Variants in JAG2 observed in about 807,000 individuals in gnomAD.
The protein encoded by JAG2 is protein jagged-2.
JAG2 carries 46 observed loss-of-function variants against 141.7 expected under a neutral mutation model. The observed-to-expected ratio is 0.32, with a 90% CI of 0.26 to 0.42. JAG2 has a LOEUF of 0.42. JAG2 is among the 10% of genes least tolerant of loss of function. The pLI, the probability that JAG2 is intolerant of heterozygous loss-of-function variation, is 1.00. For missense variants in JAG2, 1,500 were observed against 1,817.5 expected (o/e 0.83, Z 3.18); for synonymous variants, 862 against 763.5 (o/e 1.13, Z -2.13).
Position 105,142,908 on chromosome 14 carries a change from C to A in JAG2, c.3504G>T (p.Pro1168=), listed in dbSNP as rs763479938. The stretch of plus-strand genomic sequence containing the variant: ...CCTCCCTGACGGCCGCGTGGCCGGC[C>A]GGCCCGGGCAGCGCCTCGTCCGCCC... The part of the protein sequence containing the change: ...PRRADEALPG[P]AGHAAVREDE... Residue 1168 remains proline, a synonymous_variant, in exon 26 of 26, where the codon CCG becomes CCT. Coordinates refer to ENST00000331782, the MANE Select transcript of JAG2 (RefSeq NM_002226.5). 5.2e-5 allele frequency: 84 copies of A among 1,604,442 alleles called. No homozygotes were observed. Among genetic ancestry groups the A allele is most frequent in the Non-Finnish European group, 7.1e-5 (83 of 1,175,796 alleles).
chr14:105,163,243 G>C (rs587721362), intron 2 of JAG2, among the ~76,000 whole-genome samples: 1 of 152,176 alleles, frequency 6.6e-6, no homozygotes, highest in African/African-American at 2.4e-5. Flanking sequence ...ATTGTCACCC[G>C]AGGCAGGGAA....
At position 105,151,630 on chromosome 14, in the gene JAG2, G is replaced by C; in HGVS notation, c.1149C>G (p.Ala383=). Residue 383 remains alanine (A), a synonymous_variant, in exon 8 of 26, where the codon GCC becomes GCG. Coordinates refer to ENST00000331782, the MANE Select transcript of JAG2 (RefSeq NM_002226.5). ...CPSGWSGPTC[A]LDIDECASNP... ...TACTCACGTGCAGACACTCACCAAG[G>C]GCACAGGTGGGCCCGCTCCAGCCCG... The C allele has an allele frequency of 6.2e-7, 1 of 1,604,366 alleles. No homozygotes were observed. Among genetic ancestry groups the C allele is most frequent in the Non-Finnish European group, 8.5e-7 (1 of 1,176,270 alleles).
At chr14:105,159,564 C>G (rs907002872) in intron 2 of JAG2, among the ~76,000 whole-genome samples, 1 of 147,262 alleles carries the variant, frequency 6.8e-6, no homozygotes, top group African/African-American at 2.5e-5. Context: ...TCCGTCCACA[C>G]CCCCCGCCGA....
chr14:105,143,496 C>T lies in JAG2; in HGVS notation c.3227G>A (p.Gly1076Asp), dbSNP rs1397950498. Reference sequence around the variant, plus strand: ...CCCGCGCTTACCTGTGGAAGAGCCGCCCGTAACAACCGTCTCCACCTTGAC... The same window carrying T: ...CCCGCGCTTACCTGTGGAAGAGCCGTCCGTAACAACCGTCTCCACCTTGAC... ...TEVKVETVVT[G>D]GSSTGLLVPV... Residue 1076 changes from glycine (G) to aspartate (D), a missense_variant, in exon 25 of 26, where the codon GGC becomes GAC. By Grantham distance (94) the Gly-to-Asp change is moderately conservative. Coordinates refer to ENST00000331782, the MANE Select transcript of JAG2 (RefSeq NM_002226.5). 1 of 1,560,162 alleles carries T rather than the reference C, an allele frequency of 6.4e-7. No individual in the cohort carries two copies. Among genetic ancestry groups the T allele is most frequent in the African/African-American group, 1.3e-5 (1 of 74,280 alleles).
At chr14:105,153,757 C>T (rs1384014489) in intron 5 of JAG2, among the ~76,000 whole-genome samples, 3 of 152,180 alleles carry the variant, frequency 2.0e-5, no homozygotes, top group Non-Finnish European at 4.4e-5. Flanking sequence ...CATCTTCCTG[C>T]GGGTAAAGGG....
At chr14:105,149,127 C>CCG in intron 13 of JAG2, 38 bp from the exon 14 acceptor site, 53 of 1,580,310 alleles carry the variant, frequency 3.4e-5, no homozygotes, top group Non-Finnish European at 4.5e-5. Context: ...AGGCCCGCCC[C>CCG]TGCCCCACCA....
chr14:105,155,567 C>T lies in JAG2; in HGVS notation c.783G>A (p.Glu261=). 2.5e-6 allele frequency: 4 copies of T among 1,612,846 alleles called. No individual in the cohort carries two copies. Among genetic ancestry groups the T allele is most frequent in the Non-Finnish European group, 3.4e-6 (4 of 1,179,964 alleles). The change falls in exon 5 of 26, where the codon GAG becomes GAA. Residue 261 remains glutamate, a synonymous_variant. Transcript: ENST00000331782. The part of the protein sequence containing the change: ...LLHGGCTVPG[E]CRCSYGWQGR... ...CGGGCCGGCGGCACACTCACCTGCA[C>T]TCCCCAGGCACGGTGCATCCCCCGT...
At chr14:105,165,048 A>G (rs946032263) in intron 2 of JAG2, among the ~76,000 whole-genome samples, 1 of 152,150 alleles carries the variant, frequency 6.6e-6, no homozygotes, top group African/African-American at 2.4e-5. Flanking sequence ...AGCCCAGCAC[A>G]CACATGCCAA....
rs765135349 is a variant in JAG2 at position 105,151,120 on chromosome 14, G to T, written c.1268-16C>A. 6.2e-7 allele frequency: 1 copy of T among 1,601,188 alleles called. No homozygotes were observed. The highest frequency in any genetic ancestry group is 8.5e-7 in the Non-Finnish European group (1 of 1,174,002). On this transcript the variant is annotated splice_polypyrimidine_tract_variant and intron_variant, in intron 9 of 25. Transcript: ENST00000331782. ...TCATTGGCGTCTGTGAAAGAGACAA[G>T]GTGGGAGCCGTGGGGCTCGGGCCCT...
chr14:105,146,754 A>G, intron 20 of JAG2, 30 bp from the exon 21 acceptor site: 2 of 1,560,342 alleles, frequency 1.3e-6, no homozygotes, highest in Non-Finnish European at 1.8e-6. Context: ...TGCTCAGTGC[A>G]GTGAGGCCAA....
chr14:105,147,702 G>T, intron 18 of JAG2, 70 bp downstream of exon 18: 3 of 1,197,142 alleles, frequency 2.5e-6, no homozygotes, highest in African/African-American at 3.0e-5. Flanking sequence ...GGACTGGGGG[G>T]CGAGTCGGGG....
In JAG2 at chr14:105,149,209, A is replaced by T; in HGVS notation, c.1714T>A (p.Ser572Thr). 6.3e-7 allele frequency: 1 copy of T among 1,596,648 alleles called. No homozygotes were observed. The highest frequency in any genetic ancestry group is 8.5e-7 in the Non-Finnish European group (1 of 1,172,558). Residue 572 changes from serine (S) to threonine (T), a missense_variant, in exon 13 of 26, where the codon TCC becomes ACC. By Grantham distance (58) the Ser-to-Thr change is moderately conservative. Around this residue, in one of 3 missense-constraint regions of JAG2, gnomAD observed 875 missense variants for 1,202.2 expected, o/e 0.73. Transcript: ENST00000331782. Reference protein sequence around the residue: ...CPDDFGGKNCSVPREPCPGGA... With the variant: ...CPDDFGGKNCTVPREPCPGGA... ...CCAGGGCACGGCTCGCGGGGCACGG[A>T]GCAGTTCTTGCCACCAAAGTCATCA...
At chr14:105,143,417 G>A (rs1337546793) in intron 25 of JAG2, 65 bp downstream of exon 25, 2 of 1,514,998 alleles carry the variant, frequency 1.3e-6, no homozygotes, top group Admixed American at 3.9e-5. Context: ...GGATCGGCCG[G>A]CTCTGTGCCC....
intron 2 of JAG2, among the ~76,000 whole-genome samples, chr14:105,164,420 G>C (rs999906029): frequency 2.0e-5 from 3 of 152,206 alleles, no homozygotes; most frequent in African/African-American, 7.2e-5. Flanking sequence ...TTCCATACCA[G>C]ACCAGCCAGC....
At chr14:105,148,492 G>T (rs587747682) in intron 15 of JAG2, 53 bp from the exon 16 acceptor site, 1 of 1,345,474 alleles carries the variant, frequency 7.4e-7, no homozygotes, top group African/African-American at 1.4e-5. Flanking sequence ...GCTCAGGGAG[G>T]GCTTCCCGGG....
rs891819399 is a variant in JAG2, at chr14:105,167,437, G to GCGCCT, written c.417+315_417+319dup. Among the ~76,000 whole-genome samples, 6 of 151,954 alleles carry GCGCCT rather than the reference G, an allele frequency of 3.9e-5. No individual in the cohort carries two copies. The highest frequency in any genetic ancestry group is 2.1e-4 in the South Asian group (1 of 4,826). On this transcript the variant is annotated intron_variant, in intron 2 of 25. Coordinates refer to ENST00000331782, the MANE Select transcript of JAG2 (RefSeq NM_002226.5). The surrounding 1 kb of genome is among the most constrained non-coding windows in gnomAD (Gnocchi z 4.8). ...CCACCGCGGCCTGCCCGGGACCGGGGCGCCTCGCCTCGCCTCCCCACCCAG... is the reference window on the plus strand; with the variant it reads ...CCACCGCGGCCTGCCCGGGACCGGGGCGCCTCGCCTCGCCTCGCCTCCCCACCCAG...
At chr14:105,166,704 G>A (rs10144499) in intron 2 of JAG2, among the ~76,000 whole-genome samples, 5,947 of 152,306 alleles carry the variant, frequency 0.039, 366 homozygotes, top group African/African-American at 0.14. Context: ...GCGTGAGCTC[G>A]GCAGGGATTG....
chr14:105,142,680 A>C lies in JAG2; in HGVS notation c.*15T>G. 2 of 1,579,758 alleles carry C rather than the reference A, an allele frequency of 1.3e-6. No homozygotes were observed. Among genetic ancestry groups the C allele is most frequent in the Non-Finnish European group, 1.7e-6 (2 of 1,162,968 alleles). ...CACCGAGGGCCCTGGGTCCCGGCCC[A>C]GCTGGCAGCCGCCCCTACTCCTTGC... On this transcript the variant is annotated 3_prime_UTR_variant, in exon 26 of 26. Transcript: ENST00000331782.
chr14:105,151,472 G>A, intron 8 of JAG2, 76 bp from the exon 9 acceptor site: 3 of 1,434,442 alleles, frequency 2.1e-6, no homozygotes, highest in Non-Finnish European at 2.9e-6. Flanking sequence ...AGGTGGCGCT[G>A]CAAGCCTGGG....
Sources: gnomAD v4.1 joint callset for allele counts (sites outside exome capture counted in the v4.1 genomes callset) on GRCh38, gnomAD v4.1.1 for gene constraint, gnomAD v4.1.1 regional missense constraint, Gnocchi (gnomAD v3.1) non-coding constraint, MANE v1.5 for transcripts, NCBI Gene and HGNC (gene_info 2026-07-23, HGNC 2026-07-21) for gene names.